The following ISM1 variants were observed in gnomAD, a reference collection of about 807,000 sequenced individuals.
The protein encoded by ISM1 is isthmin 1, also known as isthmin-1.
Under a neutral mutation model 46.3 loss-of-function variants are expected in ISM1, and 25 were observed. The ratio of observed to expected loss-of-function variants is 0.54; its 90% CI spans 0.39 to 0.75. The LOEUF is 0.75. ISM1 is among the 30% of genes least tolerant of loss of function. ISM1 has a pLI of 0.00. For synonymous variants in ISM1, 255 were observed against 256.7 expected, an observed-to-expected ratio of 0.99 and a Z score of 0.06; for missense variants, 536 against 625.4, an observed-to-expected ratio of 0.86 and a Z score of 1.52.
At chr20:13,241,719 G>T (rs527551177) in intron 1 of ISM1, among the ~76,000 whole-genome samples, 1 of 152,150 alleles carries the variant, frequency 6.6e-6, no homozygotes, top group Non-Finnish European at 1.5e-5. Context: ...GTAAGGTTGT[G>T]AAGGAAGGGC....
chr20:13,313,191 G>T, the ISM1 span, among the ~76,000 whole-genome samples: 1 of 152,104 alleles, frequency 6.6e-6, no homozygotes, highest in Non-Finnish European at 1.5e-5. Context: ...TAGAACTTTG[G>T]CTTCCATTCC....
chr20:13,246,171 G>A (rs2039790898), intron 1 of ISM1, among the ~76,000 whole-genome samples: 1 of 152,040 alleles, frequency 6.6e-6, no homozygotes, highest in East Asian at 1.9e-4. Flanking sequence ...TACTCGGGAG[G>A]CTGAGGCAGC....
rs184453035 is a variant in ISM1 at position 13,297,684 on chromosome 20, T to C, written c.878-1258T>C. Among the ~76,000 whole-genome samples, 9 of 152,338 alleles carry C rather than the reference T, an allele frequency of 5.9e-5. No individual in the cohort carries two copies. In the East Asian group the frequency reaches 9.6e-4, roughly 16 times the overall value. On this transcript the variant is annotated intron_variant, in intron 5 of 5. Coordinates refer to ENST00000262487, the MANE Select transcript of ISM1 (RefSeq NM_080826.2). ...CTGTTCACAGGATCAGTTGTTCCCA[T>C]GGGAGAATGCAGGATCAGCATAATT...
rs144620411 is a variant in ISM1 at position 13,290,840 on chromosome 20, T to A, written c.788-1534T>A. Among the ~76,000 whole-genome samples, 1,433 of 152,352 alleles carry A rather than the reference T, an allele frequency of 9.4e-3. 17 individuals carry two copies. The highest frequency in any genetic ancestry group is 0.032 in the African/African-American group (1,329 of 41,574). On this transcript the variant is annotated intron_variant, in intron 4 of 5. Transcript: ENST00000262487. ...AATAGGTATTTATGATTGTACTCATTCGACAGCTATAGTAACTGAGGCATA... is the reference window on the plus strand; with the variant it reads ...AATAGGTATTTATGATTGTACTCATACGACAGCTATAGTAACTGAGGCATA...
intron 4 of ISM1, 120 bp from the exon 5 acceptor site, chr20:13,292,254 G>T: frequency 1.6e-6 from 1 of 644,798 alleles, no homozygotes; most frequent in Non-Finnish European, 2.7e-6. Context: ...GTTTCTGCCC[G>T]TGAGTAGTAA....
intron 1 of ISM1, among the ~76,000 whole-genome samples, chr20:13,263,238 G>T (rs542275148): frequency 6.6e-6 from 1 of 152,258 alleles, no homozygotes. Context: ...AGCAGCAGCT[G>T]GTCAGCCTTG....
intron 1 of ISM1, among the ~76,000 whole-genome samples, chr20:13,250,386 G>A (rs913539404): frequency 3.9e-5 from 6 of 152,120 alleles, no homozygotes; most frequent in Non-Finnish European, 8.8e-5. Flanking sequence ...CACACGTACT[G>A]AAGACGTGAG....
At chr20:13,243,035 G>A (rs1352499993) in intron 1 of ISM1, among the ~76,000 whole-genome samples, 2 of 152,294 alleles carry the variant, frequency 1.3e-5, no homozygotes, top group East Asian at 3.9e-4. Flanking sequence ...CACACAGATA[G>A]CAGAGGTAGA....
intron 1 of ISM1, among the ~76,000 whole-genome samples, chr20:13,258,037 T>C (rs1385847221): frequency 6.6e-6 from 1 of 152,162 alleles, no homozygotes; most frequent in Non-Finnish European, 1.5e-5. Context: ...CTACCTCACA[T>C]GGATGTCATG....
chr20:13,274,705 T>C (rs1307577346), intron 2 of ISM1, among the ~76,000 whole-genome samples: 1 of 146,392 alleles, frequency 6.8e-6, no homozygotes, highest in African/African-American at 2.5e-5. Context: ...CCTCTTGACT[T>C]TCAGGATAGG....
chr20:13,305,686 T>A, the ISM1 span, among the ~76,000 whole-genome samples: 2 of 152,208 alleles, frequency 1.3e-5, no homozygotes, highest in Admixed American at 1.3e-4. Context: ...CAGTTGTTTT[T>A]CTGAGGCTTA....
At chr20:13,242,720 T>C (rs539337633) in intron 1 of ISM1, among the ~76,000 whole-genome samples, 1 of 152,250 alleles carries the variant, frequency 6.6e-6, no homozygotes, top group South Asian at 2.1e-4. Flanking sequence ...TTAAGGTTGG[T>C]ATAAAAGCAT....
At chr20:13,325,910 G>A in the ISM1 span, among the ~76,000 whole-genome samples, 8 of 151,928 alleles carry the variant, frequency 5.3e-5, no homozygotes, top group Non-Finnish European at 1.0e-4. Flanking sequence ...TACACACGTC[G>A]ACCATCAAAA....
the ISM1 span, among the ~76,000 whole-genome samples, chr20:13,320,631 C>G: frequency 6.6e-6 from 1 of 152,204 alleles, no homozygotes; most frequent in East Asian, 1.9e-4. Flanking sequence ...AAGCTTATTG[C>G]TCTCTCATTA....
Position 13,221,668 on chromosome 20 carries a change from G to GCGGGAGCCGAC in ISM1, c.-109_-108insCGGGAGCCGAC. On this transcript the variant is annotated 5_prime_UTR_variant, in exon 1 of 6. An upstream open reading frame in the 5' UTR loses its in-frame stop. Transcript: ENST00000262487. Reference sequence around the variant, plus strand: ...GAAGCGGAGCCCTGGCGGGAGCCGAGGCGGGAGCCGCGCTGCCGGGCTCCC... The same window carrying GCGGGAGCCGAC: ...GAAGCGGAGCCCTGGCGGGAGCCGAGCGGGAGCCGACGCGGGAGCCGCGCTGCCGGGCTCCC... The GCGGGAGCCGAC allele has an allele frequency of 1.0e-6, 1 of 982,192 alleles. No homozygotes were observed. Among genetic ancestry groups the GCGGGAGCCGAC allele is most frequent in the Non-Finnish European group, 1.3e-6 (1 of 771,328 alleles). 60.8% of individuals were successfully genotyped at this position (982,192 alleles called of 1,614,324 possible).
chr20:13,309,045 T>C, the ISM1 span, among the ~76,000 whole-genome samples: 3 of 152,242 alleles, frequency 2.0e-5, no homozygotes, highest in Non-Finnish European at 2.9e-5. Context: ...ACTCAGTCTA[T>C]GGTAGTTTGT....
At chr20:13,316,133 A>T in the ISM1 span, among the ~76,000 whole-genome samples, 2 of 152,078 alleles carry the variant, frequency 1.3e-5, no homozygotes, top group South Asian at 4.1e-4. Context: ...TATCATGGAC[A>T]TTAAAAGGAT....
intron 1 of ISM1, among the ~76,000 whole-genome samples, chr20:13,257,461 G>T (rs1353099682): frequency 6.6e-6 from 1 of 152,168 alleles, no homozygotes; most frequent in Admixed American, 6.5e-5. Flanking sequence ...AGGTTGCAGG[G>T]CCTGGTTCTC....
the ISM1 span, among the ~76,000 whole-genome samples, chr20:13,320,823 TAA>T: frequency 1.3e-5 from 2 of 152,322 alleles, no homozygotes; most frequent in Non-Finnish European, 2.9e-5. Context: ...TCCCAGAAGT[TAA>T]AGATACCATT....
Sources: allele counts gnomAD v4.1 joint callset (sites outside exome capture counted in the v4.1 genomes callset), GRCh38; gene constraint gnomAD v4.1.1; transcripts MANE v1.5; gene names NCBI Gene and HGNC (gene_info 2026-07-23, HGNC 2026-07-21).